The following ZNF607 variants were observed in gnomAD, a reference collection of about 807,000 sequenced individuals.
ZNF607 encodes the protein zinc finger protein 607.
A neutral mutation model predicts 12.8 loss-of-function variants in ZNF607; 5 were observed. The ratio of observed to expected loss-of-function variants is 0.39; its 90% CI spans 0.20 to 0.82. ZNF607 has a LOEUF of 0.82. Among genes scored for constraint, ZNF607 ranks in the 40% least tolerant of loss-of-function variants. The probability of loss-of-function intolerance (pLI) is 0.39; values close to 1 mark genes in which losing one functional copy is unlikely to be tolerated. For synonymous variants in ZNF607, 287 were observed against 276.2 expected (o/e 1.04, Z -0.39); for missense variants, 851 against 859.2 (o/e 0.99, Z 0.12).
In ZNF607 at chr19:37,699,668, T is replaced by C; in HGVS notation, c.463A>G (p.Thr155Ala). 6.2e-7 allele frequency: 1 copy of C among 1,614,154 alleles called. No homozygotes were observed. Among genetic ancestry groups the C allele is most frequent in the Non-Finnish European group, 8.5e-7 (1 of 1,180,000 alleles). The change falls in exon 5 of 5, where the codon ACA becomes GCA. Residue 155 changes from threonine (T) to alanine (A), a missense_variant. Physicochemically the swap from Thr to Ala is moderately conservative, Grantham distance 58 (BLOSUM62 0). Transcript: ENST00000355202. The stretch of plus-strand genomic sequence containing the variant: ...ATTTTCTGATGCTTTCTAAGGTCTG[T>C]AAGATGGCTAAATGCCTTCCTAAAC... Reference protein sequence around the residue: ...EKFRKAFSHLTDLRKHQKINA... With the variant: ...EKFRKAFSHLADLRKHQKINA...
chr19:37,716,844 T>C (rs879549565), intron 1 of ZNF607, among the ~76,000 whole-genome samples: 1 of 152,194 alleles, frequency 6.6e-6, no homozygotes, highest in Non-Finnish European at 1.5e-5. Flanking sequence ...AGAGGGTACA[T>C]GTGTCATTAA....
Position 37,698,080 on chromosome 19 carries a change from A to G in ZNF607, c.2051T>C (p.Leu684Pro). 1 of 1,611,688 alleles carries G rather than the reference A, an allele frequency of 6.2e-7. No homozygotes were observed. The highest frequency in any genetic ancestry group is 8.5e-7 in the Non-Finnish European group (1 of 1,179,310). The change falls in exon 5 of 5, where the codon CTT (leucine) becomes CCT (proline). Residue 684 changes from leucine (L) to proline (P), a missense_variant. Physicochemically the swap from Leu to Pro is moderately conservative, Grantham distance 98. Coordinates refer to ENST00000355202, the MANE Select transcript of ZNF607 (RefSeq NM_032689.5). ...CTGATGTACTTCAAGGATGGATCTAAGCCTAAAGGACCTTCTGCATTTGTT... is the reference window on the plus strand; with the variant it reads ...CTGATGTACTTCAAGGATGGATCTAGGCCTAAAGGACCTTCTGCATTTGTT... ...KCNKCRRSFR[L>P]RSILEVHQRI...
At position 37,710,690 on chromosome 19, in the gene ZNF607, C is replaced by T. The variant is rs190044271; in HGVS notation, c.10-868G>A. Among the ~76,000 whole-genome samples, 3 of 152,244 alleles carry T rather than the reference C, an allele frequency of 2.0e-5. No individual in the cohort carries two copies. The East Asian group carries it at 5.8e-4, about 29-fold the overall frequency. ...AGGTATCTGACCTTTTTGAAAATGACAAAATAATAATGTTTTTCTATTAAA... is the reference window on the plus strand; with the variant it reads ...AGGTATCTGACCTTTTTGAAAATGATAAAATAATAATGTTTTTCTATTAAA... On this transcript the variant is annotated intron_variant, in intron 2 of 4. Transcript: ENST00000355202.
rs768520576 is a variant in ZNF607 at position 37,699,748 on chromosome 19, T to C, written c.383A>G (p.Glu128Gly). ...ATGAATTGTTTGATGTACCATGAGTTCTGTAAGATGACTAAAGGACTTCTG... is the reference window on the plus strand; with the variant it reads ...ATGAATTGTTTGATGTACCATGAGTCCTGTAAGATGACTAAAGGACTTCTG... ...QCQKSFSHLT[E>G]LMVHQTIHTS... Residue 128 changes from glutamate to glycine, a missense_variant, in exon 5 of 5, where the codon GAA (glutamate) becomes GGA (glycine). Coordinates refer to ENST00000355202, the MANE Select transcript of ZNF607 (RefSeq NM_032689.5). The C allele has an allele frequency of 2.5e-6, 4 of 1,614,120 alleles. No homozygotes were observed. The highest frequency in any genetic ancestry group is 4.5e-5 in the East Asian group (2 of 44,864).
In ZNF607 at chr19:37,698,140, T is replaced by C; in HGVS notation, c.1991A>G (p.His664Arg). 1 of 1,614,004 alleles carries C rather than the reference T, an allele frequency of 6.2e-7. No homozygotes were observed. The change falls in exon 5 of 5, where the codon CAT becomes CGT. Residue 664 changes from histidine to arginine, a missense_variant. Transcript: ENST00000355202. ...FNSSHELSIH[H>R]RVHTGEKPFK... is the part of the protein sequence containing the mutation. ...GGGTTTCTCACCAGTATGAACTCTA[T>C]GATGTATACTAAGTTCATGGCTACT...
chr19:37,712,560 AT>A (rs1399594580), intron 1 of ZNF607, among the ~76,000 whole-genome samples: 1 of 152,214 alleles, frequency 6.6e-6, no homozygotes, highest in Non-Finnish European at 1.5e-5. Flanking sequence ...CTCACTATGT[AT>A]TCCATTTTGG....
chr19:37,696,902 G>A lies in ZNF607; in HGVS notation c.*1138C>T, dbSNP rs557326990. On this transcript the variant is annotated 3_prime_UTR_variant, in exon 5 of 5. Transcript: ENST00000355202. ...AGAAGGTCAGATGTGTCAAAGACAC[G>A]TCGTCCAGAATGAGCCCAAAGGTGG... The A allele has an allele frequency of 2.8e-5, 19 of 680,388 alleles. No homozygotes were observed. Among genetic ancestry groups the A allele is most frequent in the South Asian group, 4.8e-5 (3 of 61,962 alleles). 42.1% of individuals were successfully genotyped at this position (680,388 alleles called of 1,614,324 possible). A position where few individuals can be genotyped will look rare whatever the true frequency, so the allele number is the denominator to read the frequency against.
At chr19:37,702,701 A>G (rs2045049587) in intron 4 of ZNF607, among the ~76,000 whole-genome samples, 1 of 152,232 alleles carries the variant, frequency 6.6e-6, no homozygotes, top group South Asian at 2.1e-4. Context: ...AGCAAAACTA[A>G]TAACACTGCC....
Position 37,699,682 on chromosome 19 carries a change from G to A in ZNF607, c.449C>T (p.Ala150Val). The A allele has an allele frequency of 6.2e-7, 1 of 1,614,016 alleles. No individual in the cohort carries two copies. Among genetic ancestry groups the A allele is most frequent in the Non-Finnish European group, 8.5e-7 (1 of 1,179,976 alleles). ...TCTAAGGTCTGTAAGATGGCTAAATGCCTTCCTAAACTTTTCACATTGATC... is the reference window on the plus strand; with the variant it reads ...TCTAAGGTCTGTAAGATGGCTAAATACCTTCCTAAACTTTTCACATTGATC... Reference protein sequence around the residue: ...EPDQCEKFRKAFSHLTDLRKH... With the variant: ...EPDQCEKFRKVFSHLTDLRKH... Residue 150 changes from alanine (A) to valine (V), a missense_variant, in exon 5 of 5, where the codon GCA becomes GTA. By Grantham distance (64) the Ala-to-Val change is moderately conservative (BLOSUM62 0). Transcript: ENST00000355202.
intron 4 of ZNF607, among the ~76,000 whole-genome samples, chr19:37,705,734 A>AAATAC (rs1050864248): frequency 6.6e-6 from 1 of 152,002 alleles, no homozygotes; most frequent in Non-Finnish European, 1.5e-5. Context: ...CTTCCAAGAA[A>AAATAC]AATACAAAGC....
chr19:37,714,340 A>ACAACAACAGCAG (rs546794308), intron 1 of ZNF607, among the ~76,000 whole-genome samples: 2 of 148,210 alleles, frequency 1.3e-5, no homozygotes, highest in Middle Eastern at 3.2e-3. Context: ...AACAACAACA[A>ACAACAACAGCAG]CAGCAGCAGC....
At chr19:37,706,215 A>G (rs1372045854) in intron 4 of ZNF607, among the ~76,000 whole-genome samples, 1 of 151,332 alleles carries the variant, frequency 6.6e-6, no homozygotes, top group East Asian at 1.9e-4. Flanking sequence ...AAGAGAGGAG[A>G]AGAGAGGAGA....
intron 1 of ZNF607, among the ~76,000 whole-genome samples, chr19:37,717,483 C>T (rs1686041324): frequency 1.3e-5 from 2 of 151,932 alleles, no homozygotes; most frequent in East Asian, 2.0e-4. Flanking sequence ...CTGTGCCAGG[C>T]CCAAAATTCC....
chr19:37,701,412 C>G (rs1165498117), intron 4 of ZNF607, among the ~76,000 whole-genome samples: 1 of 152,220 alleles, frequency 6.6e-6, no homozygotes, highest in East Asian at 1.9e-4. Context: ...CTAACTCATT[C>G]CAGTTACCTA....
chr19:37,715,853 A>G (rs780422925), intron 1 of ZNF607, among the ~76,000 whole-genome samples: 8 of 152,210 alleles, frequency 5.3e-5, no homozygotes, highest in Non-Finnish European at 1.2e-4. Context: ...ATCTTTGGAA[A>G]TATTACCATA....
chr19:37,704,908 G>A (rs946662164), intron 4 of ZNF607, among the ~76,000 whole-genome samples: 1 of 152,024 alleles, frequency 6.6e-6, no homozygotes, highest in East Asian at 1.9e-4. Flanking sequence ...CCGAGATTGC[G>A]CCACTGCACT....
chr19:37,707,920 A>C lies in ZNF607; in HGVS notation c.229T>G (p.Cys77Gly). ...CTGCCTGACTTGCTCTTACCTGTAC[A>C]CTCTCCTCTTGTTTCTTCCCTCACA... ...MIVREETRGE[C>G]TDLDSRCEII... The change falls in exon 4 of 5, where the codon TGT (cysteine) becomes GGT (glycine). Residue 77 changes from cysteine to glycine, a missense_variant. Coordinates refer to ENST00000355202, the MANE Select transcript of ZNF607 (RefSeq NM_032689.5). The C allele has an allele frequency of 6.2e-7, 1 of 1,612,350 alleles. No homozygotes were observed. Among genetic ancestry groups the C allele is most frequent in the East Asian group, 2.2e-5 (1 of 44,752 alleles).
At chr19:37,707,779 C>A in intron 4 of ZNF607, 135 bp downstream of exon 4, 1 of 652,584 alleles carries the variant, frequency 1.5e-6, no homozygotes, top group Non-Finnish European at 2.7e-6. Flanking sequence ...ATTTCTTCTC[C>A]ACATCAGAAG....
chr19:37,696,495 C>T lies in ZNF607; in HGVS notation c.*1545G>A. ...GAGATCTGAAGTGATTTTACCTTTA[C>T]TTCCTTCACTTTAAGCCAATCATGA... On this transcript the variant is annotated 3_prime_UTR_variant, in exon 5 of 5. Transcript: ENST00000355202. 1 of 372,172 alleles carries T rather than the reference C, an allele frequency of 2.7e-6. No individual in the cohort carries two copies. Among genetic ancestry groups the T allele is most frequent in the South Asian group, 3.0e-5 (1 of 33,438 alleles). 23.1% of individuals were successfully genotyped at this position (372,172 alleles called of 1,614,324 possible).
Sources: allele counts gnomAD v4.1 joint callset (sites outside exome capture counted in the v4.1 genomes callset), GRCh38; gene constraint gnomAD v4.1.1; transcripts MANE v1.5; gene names NCBI Gene and HGNC (gene_info 2026-07-23, HGNC 2026-07-21).